RPS6KA2: variants seen among roughly 807,000 people sequenced by gnomAD.
RPS6KA2 encodes ribosomal protein S6 kinase A2.
Under a neutral mutation model 91.8 loss-of-function variants are expected in RPS6KA2, and 42 were observed. That is an observed-to-expected ratio of 0.46 (90% CI 0.36 to 0.59). The LOEUF (loss-of-function observed/expected upper bound fraction) is 0.59, where lower values mean the gene tolerates loss of function less well. Among genes scored for constraint, RPS6KA2 ranks in the 20% least tolerant of loss-of-function variants. The probability of loss-of-function intolerance (pLI) is 0.00; values close to 1 mark genes in which losing one functional copy is unlikely to be tolerated. For missense variants in RPS6KA2, 798 were observed against 978.5 expected (o/e 0.82, Z 2.46); for synonymous variants, 414 against 393.6 (o/e 1.05, Z -0.61).
chr6:166,611,020 C>A (rs1786150577), intron 1 of RPS6KA2, among the ~76,000 whole-genome samples: 1 of 151,638 alleles, frequency 6.6e-6, no homozygotes. Flanking sequence ...TACTAAATAC[C>A]CTGAAAGGAT....
intron 2 of RPS6KA2, among the ~76,000 whole-genome samples, chr6:166,686,786 C>T (rs903055671): frequency 1.3e-5 from 2 of 152,140 alleles, no homozygotes; most frequent in African/African-American, 2.4e-5. Context: ...TGCACCAAGC[C>T]GAGAGCACTC....
chr6:166,683,251 A>G (rs755246906), intron 2 of RPS6KA2, among the ~76,000 whole-genome samples: 2 of 152,270 alleles, frequency 1.3e-5, no homozygotes, highest in East Asian at 3.8e-4. Flanking sequence ...TGCATATTGC[A>G]GATGTCCAAA....
rs1790689447 is a variant in RPS6KA2, at chr6:166,737,066, T to C, written c.123+121134A>G. On this transcript the variant is annotated intron_variant, in intron 2 of 21. Transcript: ENST00000503859. This position sits in a 1 kb window ranked among gnomAD's most constrained non-coding sequence, Gnocchi z 4.3. ...CGGCAAAGCGCATGGAGCCTACGCT[T>C]TTTTACAGACGCAAAAAGATAGATG... Among the ~76,000 whole-genome samples, 1 of 152,198 alleles carries C rather than the reference T, an allele frequency of 6.6e-6. No individual in the cohort carries two copies. The highest frequency in any genetic ancestry group is 2.4e-5 in the African/African-American group (1 of 41,438).
In RPS6KA2 at chr6:166,603,990, A is replaced by G. The variant is rs990556628; in HGVS notation, c.99+22931T>C. 2.6e-5 allele frequency among the ~76,000 whole-genome samples: 4 copies of G among 152,204 alleles called. No homozygotes were observed. Among genetic ancestry groups the G allele is most frequent in the Non-Finnish European group, 5.9e-5 (4 of 68,036 alleles). Reference sequence around the variant, plus strand: ...TAACGTGTCCCTCCTAGAAGTCACGAAGAGAAAAGGGCGAGACTATGAAAC... The same window carrying G: ...TAACGTGTCCCTCCTAGAAGTCACGGAGAGAAAAGGGCGAGACTATGAAAC... On this transcript the variant is annotated intron_variant, in intron 1 of 20. Coordinates refer to ENST00000265678, the MANE Select transcript of RPS6KA2 (RefSeq NM_021135.6). The surrounding 1 kb of genome is among the most constrained non-coding windows in gnomAD (Gnocchi z 4.3).
At chr6:166,587,749 AG>A (rs1242506791) in intron 1 of RPS6KA2, among the ~76,000 whole-genome samples, 1 of 152,114 alleles carries the variant, frequency 6.6e-6, no homozygotes, top group African/African-American at 2.4e-5. Context: ...GTCTCTGAAA[AG>A]CCACAGCTGA....
intron 2 of RPS6KA2, among the ~76,000 whole-genome samples, chr6:166,745,411 C>T (rs1790971699): frequency 2.6e-5 from 4 of 152,136 alleles, no homozygotes; most frequent in Admixed American, 2.6e-4. Context: ...CTTGGCCTCC[C>T]AAAGTGTTGG....
At chr6:166,629,445 A>G (rs773285668), upstream of RPS6KA2, among the ~76,000 whole-genome samples, 4 of 152,244 alleles carry the variant, frequency 2.6e-5, no homozygotes, top group African/African-American at 7.2e-5. Flanking sequence ...AGGGAAAATC[A>G]TTCAGATTTC....
chr6:166,773,576 GT>G (rs1778536563), intron 2 of RPS6KA2, among the ~76,000 whole-genome samples: 1 of 151,782 alleles, frequency 6.6e-6, no homozygotes, highest in African/African-American at 2.4e-5. Context: ...TAATTTTTGT[GT>G]TTTTAGCGGA....
At chr6:166,444,510 G>A (rs950225041) in intron 14 of RPS6KA2, among the ~76,000 whole-genome samples, 1 of 152,222 alleles carries the variant, frequency 6.6e-6, no homozygotes. Flanking sequence ...CAATGTGTCT[G>A]ATAAAAGGAA....
intron 1 of RPS6KA2, among the ~76,000 whole-genome samples, chr6:166,604,711 TCAAA>T (rs1469960916): frequency 1.3e-5 from 2 of 152,218 alleles, no homozygotes; most frequent in African/African-American, 4.8e-5. Flanking sequence ...CAAACTGTGA[TCAAA>T]CACTCATATT....
In RPS6KA2 at chr6:166,626,144, T is replaced by C. The variant is rs948078731; in HGVS notation, c.99+777A>G. 2.6e-5 allele frequency among the ~76,000 whole-genome samples: 4 copies of C among 152,206 alleles called. No homozygotes were observed. Among genetic ancestry groups the C allele is most frequent in the Admixed American group, 6.5e-5 (1 of 15,292 alleles). Reference sequence around the variant, plus strand: ...ACACGTTTCACTGTTTTGTCATCTATAGATTCAACAATGTGATTTGGACAC... The same window carrying C: ...ACACGTTTCACTGTTTTGTCATCTACAGATTCAACAATGTGATTTGGACAC... On this transcript the variant is annotated intron_variant, in intron 1 of 20. Coordinates refer to ENST00000265678, the MANE Select transcript of RPS6KA2 (RefSeq NM_021135.6). This position sits in a 1 kb window ranked among gnomAD's most constrained non-coding sequence, Gnocchi z 4.1.
At chr6:166,558,817 G>T (rs1345821606) in intron 1 of RPS6KA2, among the ~76,000 whole-genome samples, 1 of 152,180 alleles carries the variant, frequency 6.6e-6, no homozygotes, top group Non-Finnish European at 1.5e-5. Flanking sequence ...GGCTGGACAC[G>T]TGAACCCATG....
rs1173009948 is a variant in RPS6KA2, at chr6:166,825,940, C to T, written c.123+32260G>A. Among the ~76,000 whole-genome samples the T allele has an allele frequency of 6.6e-6, 1 of 152,204 alleles. No homozygotes were observed. Among genetic ancestry groups the T allele is most frequent in the Non-Finnish European group, 1.5e-5 (1 of 68,044 alleles). Reference sequence around the variant, plus strand: ...ACTGGGCTGTCATCTGAGCTCCTGCCTTTCACGTCAACATTTGTGAGTAGA... The same window carrying T: ...ACTGGGCTGTCATCTGAGCTCCTGCTTTTCACGTCAACATTTGTGAGTAGA... On this transcript the variant is annotated intron_variant, in intron 2 of 21. Transcript: ENST00000503859. The surrounding 1 kb of genome is among the most constrained non-coding windows in gnomAD (Gnocchi z 4.1).
At chr6:166,469,611 G>T (rs1194167569) in intron 11 of RPS6KA2, among the ~76,000 whole-genome samples, 14 of 152,156 alleles carry the variant, frequency 9.2e-5, no homozygotes, top group African/African-American at 3.1e-4. Context: ...AAGCTGAGGG[G>T]ACTTCAGGCC....
At chr6:166,842,521 C>A (rs986789140) in intron 2 of RPS6KA2, among the ~76,000 whole-genome samples, 2 of 152,162 alleles carry the variant, frequency 1.3e-5, no homozygotes, top group Non-Finnish European at 2.9e-5. Flanking sequence ...AGCTCCAGAA[C>A]GGTGAGGGAG....
chr6:166,801,770 T>C (rs761747408), intron 2 of RPS6KA2, among the ~76,000 whole-genome samples: 2 of 152,206 alleles, frequency 1.3e-5, no homozygotes, highest in Non-Finnish European at 2.9e-5. Context: ...TTTCAAACAA[T>C]GAGTATATTT....
intron 2 of RPS6KA2, among the ~76,000 whole-genome samples, chr6:166,823,860 C>T (rs1390161661): frequency 6.6e-6 from 1 of 152,114 alleles, no homozygotes; most frequent in Non-Finnish European, 1.5e-5. Flanking sequence ...TCTTACGATA[C>T]CACATGTTAG....
chr6:166,578,578 T>C (rs1256223561), intron 1 of RPS6KA2, among the ~76,000 whole-genome samples: 2 of 152,364 alleles, frequency 1.3e-5, no homozygotes, highest in East Asian at 1.9e-4. Flanking sequence ...ATACTACTGA[T>C]GACAATAACA....
Position 166,555,001 on chromosome 6 carries a change from T to C in RPS6KA2, c.100-16217A>G, listed in dbSNP as rs76769668. Reference sequence around the variant, plus strand: ...TCAAGCGACAGCAGAAAACATCAGTTCCCTAAACCCAATGTAAAAATTGAT... The same window carrying C: ...TCAAGCGACAGCAGAAAACATCAGTCCCCTAAACCCAATGTAAAAATTGAT... On this transcript the variant is annotated intron_variant, in intron 1 of 20. Transcript: ENST00000265678. Among the ~76,000 whole-genome samples, 42 of 152,356 alleles carry C rather than the reference T, an allele frequency of 2.8e-4. No homozygotes were observed. The East Asian group carries it at 6.4e-3, about 23-fold the overall frequency.
Sources: gnomAD v4.1 joint callset for allele counts (sites outside exome capture counted in the v4.1 genomes callset) on GRCh38, gnomAD v4.1.1 for gene constraint, Gnocchi (gnomAD v3.1) non-coding constraint, MANE v1.5 for transcripts, NCBI Gene and HGNC (gene_info 2026-07-23, HGNC 2026-07-21) for gene names.